Variants in GNB1 observed in about 807,000 individuals in gnomAD.
GNB1 encodes guanine nucleotide-binding protein G(I)/G(S)/G(T) subunit beta-1.
A neutral mutation model predicts 42.9 loss-of-function variants in GNB1; 2 were observed. That is an observed-to-expected ratio of 0.05 (90% CI 0.02 to 0.15). GNB1 has a LOEUF of 0.15. GNB1 is among the 10% of genes least tolerant of loss of function. GNB1 has a pLI of 1.00. For missense variants in GNB1, 193 were observed against 462.2 expected (o/e 0.42, Z 5.34); for synonymous variants, 183 against 174.7 (o/e 1.05, Z -0.38).
In GNB1 at chr1:1,790,668, C is replaced by T. The variant is rs1646469880; in HGVS notation, c.498-72G>A. 1.9e-6 allele frequency: 2 copies of T among 1,065,458 alleles called. No individual in the cohort carries two copies. Among genetic ancestry groups the T allele is most frequent in the Non-Finnish European group, 2.9e-6 (2 of 695,870 alleles). The allele number at this position is 1,065,458 out of a possible 1,614,324, so 66.0% of individuals were successfully genotyped here. On this transcript the variant is annotated intron_variant, in intron 8 of 11. Coordinates refer to ENST00000378609, the MANE Select transcript of GNB1 (RefSeq NM_002074.5). This position sits in a 1 kb window ranked among gnomAD's most constrained non-coding sequence, Gnocchi z 5.4. ...GGTGGCTAGTCATGTGACAGACAATCTGTCCTTCAAACCACCCAGGGCCAC... is the reference window on the plus strand; with the variant it reads ...GGTGGCTAGTCATGTGACAGACAATTTGTCCTTCAAACCACCCAGGGCCAC...
intron 1 of GNB1, among the ~76,000 whole-genome samples, chr1:1,849,040 C>T (rs936119849): frequency 6.6e-6 from 1 of 152,172 alleles, no homozygotes; most frequent in South Asian, 2.1e-4. Context: ...TGACATTAGA[C>T]GGTTGGGGTT....
chr1:1,879,433 G>A (rs747995385), intron 1 of GNB1, among the ~76,000 whole-genome samples: 3 of 152,170 alleles, frequency 2.0e-5, no homozygotes, highest in South Asian at 2.1e-4. Flanking sequence ...TAGGCCGGGC[G>A]CAGTGGCTCA....
intron 1 of GNB1, among the ~76,000 whole-genome samples, chr1:1,867,312 G>A (rs1026898204): frequency 2.0e-5 from 3 of 152,152 alleles, no homozygotes; most frequent in Admixed American, 1.3e-4. Flanking sequence ...GCTGCAATGC[G>A]GCCCACAGGC....
chr1:1,842,233 A>G (rs1381727298), intron 1 of GNB1, among the ~76,000 whole-genome samples: 3 of 152,232 alleles, frequency 2.0e-5, no homozygotes, highest in South Asian at 2.1e-4. Context: ...GATTGAGACC[A>G]TCCTGGCTAA....
At position 1,865,950 on chromosome 1, in the gene GNB1, T is replaced by A. The variant is rs946588781; in HGVS notation, c.-96+24870A>T. Among the ~76,000 whole-genome samples, 13 of 151,838 alleles carry A rather than the reference T, an allele frequency of 8.6e-5. 1 individual carries two copies. The highest frequency in any genetic ancestry group is 2.6e-4 in the Admixed American group (4 of 15,234). ...GCCTTGAAAACAGTATTTATTTATT[T>A]TTTTTTTTTTTGAGTTTCACTCTTG... On this transcript the variant is annotated intron_variant, in intron 1 of 11. Transcript: ENST00000378609.
intron 7 of GNB1, among the ~76,000 whole-genome samples, chr1:1,796,570 G>C (rs145112307): frequency 1.4e-4 from 21 of 152,322 alleles, no homozygotes; most frequent in African/African-American, 4.6e-4. Context: ...TATTGAATTT[G>C]AACAAATTCC....
At chr1:1,878,392 C>G (rs1291883445) in intron 1 of GNB1, among the ~76,000 whole-genome samples, 2 of 152,188 alleles carry the variant, frequency 1.3e-5, no homozygotes, top group African/African-American at 4.8e-5. Context: ...GGGGATTAAC[C>G]AATTTTCCAG....
intron 2 of GNB1, among the ~76,000 whole-genome samples, chr1:1,829,091 T>G (rs1647040266): frequency 2.0e-5 from 3 of 152,202 alleles, no homozygotes; most frequent in Non-Finnish European, 4.4e-5. Flanking sequence ...AGTTTCACTC[T>G]TATCGCCCAG....
At chr1:1,823,242 GAA>G (rs745874003) in intron 3 of GNB1, among the ~76,000 whole-genome samples, 911 of 36,756 alleles carry the variant, frequency 0.025, 2 homozygotes, top group Middle Eastern at 0.057. Flanking sequence ...ACTGTCTCCA[GAA>G]AAAAAAAAAA....
chr1:1,825,813 C>T (rs897455853), intron 2 of GNB1, among the ~76,000 whole-genome samples: 3 of 150,702 alleles, frequency 2.0e-5, no homozygotes. Context: ...TGCAGTGAGC[C>T]GAGATGGCGC....
chr1:1,814,542 TA>T (rs1646824318), intron 5 of GNB1, among the ~76,000 whole-genome samples: 1 of 152,126 alleles, frequency 6.6e-6, no homozygotes, highest in African/African-American at 2.4e-5. Context: ...CTCACACCTA[TA>T]ATCTCAGCAC....
intron 1 of GNB1, among the ~76,000 whole-genome samples, chr1:1,866,020 C>A (rs1320551292): frequency 6.6e-6 from 1 of 151,864 alleles, no homozygotes; most frequent in African/African-American, 2.4e-5. Flanking sequence ...CTCACTGCAA[C>A]TTCCGCCTCC....
At chr1:1,868,548 C>T (rs1017702269) in intron 1 of GNB1, among the ~76,000 whole-genome samples, 2 of 151,890 alleles carry the variant, frequency 1.3e-5, no homozygotes, top group Non-Finnish European at 2.9e-5. Flanking sequence ...TTTGGGAGGC[C>T]GAGGCAGGTG....
intron 1 of GNB1, among the ~76,000 whole-genome samples, chr1:1,852,899 G>A (rs1557929291): frequency 1.3e-5 from 2 of 151,990 alleles, no homozygotes; most frequent in East Asian, 1.9e-4. Flanking sequence ...CTCTCAAGTC[G>A]AGGATCCACT....
intron 3 of GNB1, among the ~76,000 whole-genome samples, chr1:1,824,759 G>C (rs1181903286): frequency 1.3e-5 from 2 of 151,876 alleles, no homozygotes; most frequent in Non-Finnish European, 2.9e-5. Flanking sequence ...TTTTTGTAGA[G>C]ATGGGGGTTT....
intron 1 of GNB1, among the ~76,000 whole-genome samples, chr1:1,865,879 GAA>G (rs1648908638): frequency 6.6e-6 from 1 of 151,902 alleles, no homozygotes; most frequent in African/African-American, 2.4e-5. Flanking sequence ...AAAATAAAGA[GAA>G]AACAGTTTTG....
intron 1 of GNB1, among the ~76,000 whole-genome samples, chr1:1,889,277 C>A (rs899022377): frequency 6.6e-6 from 1 of 152,176 alleles, no homozygotes; most frequent in Non-Finnish European, 1.5e-5. Context: ...ATCTCACCAG[C>A]AACTGCTTAA....
chr1:1,857,750 T>C (rs561219063), intron 1 of GNB1, among the ~76,000 whole-genome samples: 1 of 152,328 alleles, frequency 6.6e-6, no homozygotes, highest in South Asian at 2.1e-4. Context: ...TACCACACTT[T>C]ATATAGACTA....
At chr1:1,877,116 C>CA (rs1649584639) in intron 1 of GNB1, among the ~76,000 whole-genome samples, 1 of 151,842 alleles carries the variant, frequency 6.6e-6, no homozygotes, top group African/African-American at 2.4e-5. Context: ...GCCTGACCAA[C>CA]ATGGTGAAAC....
Sources: allele counts gnomAD v4.1 joint callset (sites outside exome capture counted in the v4.1 genomes callset), GRCh38; gene constraint gnomAD v4.1.1; non-coding constraint Gnocchi (gnomAD v3.1); transcripts MANE v1.5; gene names NCBI Gene and HGNC (gene_info 2026-07-23, HGNC 2026-07-21).